PRC1: variants seen among roughly 807,000 people sequenced by gnomAD.
PRC1 encodes anaphase spindle elongation 1 homolog.
In PRC1, 54 loss-of-function variants were observed where a neutral mutation model predicts 91.2. The observed-to-expected ratio is 0.59, with a 90% CI of 0.48 to 0.74. PRC1 has a LOEUF of 0.74. Ranked by LOEUF, PRC1 falls within the 30% of genes least tolerant of loss-of-function variation. The probability of loss-of-function intolerance (pLI) is 0.00; values close to 1 mark genes in which losing one functional copy is unlikely to be tolerated. For synonymous variants in PRC1, 275 were observed against 263.6 expected, an observed-to-expected ratio of 1.04 and a Z score of -0.42; for missense variants, 727 against 746.2, an observed-to-expected ratio of 0.97 and a Z score of 0.30.
intron 1 of PRC1, among the ~76,000 whole-genome samples, chr15:90,988,800 A>G (rs1324436281): frequency 6.6e-6 from 1 of 152,124 alleles, no homozygotes; most frequent in Non-Finnish European, 1.5e-5. Context: ...CCTAACTCAC[A>G]GTAGTTGTTC....
At chr15:90,981,087 G>C (rs1283410134) in intron 5 of PRC1, 54 bp from the exon 6 acceptor site, 3 of 1,599,196 alleles carry the variant, frequency 1.9e-6, no homozygotes, top group Admixed American at 1.7e-5. Context: ...ACAGAGGCTA[G>C]CCCTCTAGCC....
chr15:90,984,225 TTTTC>T lies in PRC1; in HGVS notation c.145-89_145-86del. The T allele has an allele frequency of 6.6e-7, 1 of 1,506,740 alleles. No individual in the cohort carries two copies. Among genetic ancestry groups the T allele is most frequent in the Non-Finnish European group, 9.0e-7 (1 of 1,115,178 alleles). 93.3% of individuals were successfully genotyped at this position (1,506,740 alleles called of 1,614,324 possible). On this transcript the variant is annotated intron_variant, in intron 2 of 14. Coordinates refer to ENST00000394249, the MANE Select transcript of PRC1 (RefSeq NM_003981.4). This position sits in a 1 kb window ranked among gnomAD's most constrained non-coding sequence, Gnocchi z 5.1. Reference sequence around the variant, plus strand: ...CAATACCAAACTCCTCAAATTTCTTTTTTCTTTTTCTTTTTTTCTTTGAGATGGA... The same window carrying T: ...CAATACCAAACTCCTCAAATTTCTTTTTTTTCTTTTTTTCTTTGAGATGGA...
In PRC1 at chr15:90,966,617, G is replaced by GACAC; in HGVS notation, c.*510_*513dup. 1 of 456,156 alleles carries GACAC rather than the reference G, an allele frequency of 2.2e-6. No individual in the cohort carries two copies. The highest frequency in any genetic ancestry group is 4.4e-6 in the Non-Finnish European group (1 of 226,872). 28.3% of individuals were successfully genotyped at this position (456,156 alleles called of 1,614,324 possible). A position where few individuals can be genotyped will look rare whatever the true frequency, so the allele number is the denominator to read the frequency against. On this transcript the variant is annotated 3_prime_UTR_variant, in exon 15 of 15. Coordinates refer to ENST00000394249, the MANE Select transcript of PRC1 (RefSeq NM_003981.4). ...AGTAGGGCAGGCCATCTCAACTTCGGACACACAAAGACATTCTCTTCAGGA... is the reference window on the plus strand; with the variant it reads ...AGTAGGGCAGGCCATCTCAACTTCGGACACACACACAAAGACATTCTCTTCAGGA...
At chr15:90,979,351 T>A in intron 7 of PRC1, 57 bp from the exon 8 acceptor site, 1 of 1,544,372 alleles carries the variant, frequency 6.5e-7, no homozygotes, top group African/African-American at 1.4e-5. Context: ...AGTATCCAAT[T>A]TTACGAATCC....
At chr15:90,988,123 TCAACTAAAGTC>T (rs1165012491) in intron 1 of PRC1, 1 of 152,132 alleles carries the variant, frequency 6.6e-6, no homozygotes, top group Non-Finnish European at 1.5e-5. Context: ...TAACATAATC[TCAACTAAAGTC>T]CAACTAAAGA....
At position 90,966,447 on chromosome 15, in the gene PRC1, G is replaced by C. The variant is rs1304585242; in HGVS notation, c.*684C>G. 2.6e-6 allele frequency: 1 copy of C among 383,756 alleles called. No individual in the cohort carries two copies. Among genetic ancestry groups the C allele is most frequent in the Admixed American group, 2.7e-5 (1 of 36,404 alleles). The allele number at this position is 383,756 out of a possible 1,614,324, so 23.8% of individuals were successfully genotyped here. A position where few individuals can be genotyped will look rare whatever the true frequency, so the allele number is the denominator to read the frequency against. On this transcript the variant is annotated 3_prime_UTR_variant, in exon 15 of 15. Coordinates refer to ENST00000394249, the MANE Select transcript of PRC1 (RefSeq NM_003981.4). Reference sequence around the variant, plus strand: ...GTAGGCACAGGAATGGGGGAGATGAGAGCCAAGGGACAAACGCCGAGAAAG... The same window carrying C: ...GTAGGCACAGGAATGGGGGAGATGACAGCCAAGGGACAAACGCCGAGAAAG...
At chr15:90,989,581 T>C (rs558074428) in intron 1 of PRC1, among the ~76,000 whole-genome samples, 1 of 151,974 alleles carries the variant, frequency 6.6e-6, no homozygotes, top group East Asian at 1.9e-4. Flanking sequence ...CTCAGCAATT[T>C]TATTACTGGG....
chr15:90,977,982 A>G (rs1203824396), intron 8 of PRC1, among the ~76,000 whole-genome samples: 4 of 152,206 alleles, frequency 2.6e-5, no homozygotes, highest in Admixed American at 2.0e-4. Flanking sequence ...AAGATATCCC[A>G]TAGTTCTCTC....
At chr15:90,968,698 A>G in intron 14 of PRC1, 1 of 1,056,106 alleles carries the variant, frequency 9.5e-7, no homozygotes, top group Non-Finnish European at 1.1e-6. Flanking sequence ...GGAAATAATC[A>G]GCACACAGGC....
rs762766233 is a variant in PRC1 at position 90,969,500 on chromosome 15, G to T, written c.1696C>A (p.Leu566Ile). 6 of 1,612,356 alleles carry T rather than the reference G, an allele frequency of 3.7e-6. No individual in the cohort carries two copies. The highest frequency in any genetic ancestry group is 5.1e-6 in the Non-Finnish European group (6 of 1,179,068). The stretch of plus-strand genomic sequence containing the variant: ...GAATTAATGCTGAAGTTGCGCTGGA[G>T]GGGGGCCGAGCCAGGGTACCCACCA... ...LSGGYPGSAP[L>I]QRNFSINSVA... Residue 566 changes from leucine to isoleucine, a missense_variant, in exon 13 of 15, where the codon CTC (leucine) becomes ATC (isoleucine). Physicochemically the swap from Leu to Ile is conservative, Grantham distance 5. Transcript: ENST00000394249.
At chr15:90,977,844 C>T (rs1184295435) in intron 8 of PRC1, among the ~76,000 whole-genome samples, 1 of 152,128 alleles carries the variant, frequency 6.6e-6, no homozygotes, top group Non-Finnish European at 1.5e-5. Context: ...CCTCGGCCTT[C>T]CAAAGTGCTG....
chr15:90,967,449 C>T, intron 14 of PRC1: 1 of 531,854 alleles, frequency 1.9e-6, no homozygotes, highest in Non-Finnish European at 3.4e-6. Context: ...TTCTGTTACA[C>T]CTCACAGAAG....
In PRC1 at chr15:90,974,378, G is replaced by A. The variant is rs752810783; in HGVS notation, c.1351-132C>T. 12 of 1,069,280 alleles carry A rather than the reference G, an allele frequency of 1.1e-5. No individual in the cohort carries two copies. Among genetic ancestry groups the A allele is most frequent in the Admixed American group, 9.3e-5 (4 of 43,126 alleles). The allele number at this position is 1,069,280 out of a possible 1,614,324, so 66.2% of individuals were successfully genotyped here. A position where few individuals can be genotyped will look rare whatever the true frequency, so the allele number is the denominator to read the frequency against. On this transcript the variant is annotated intron_variant, in intron 10 of 14. Coordinates refer to ENST00000394249, the MANE Select transcript of PRC1 (RefSeq NM_003981.4). The surrounding 1 kb of genome is among the most constrained non-coding windows in gnomAD (Gnocchi z 4.6). Reference sequence around the variant, plus strand: ...GCTAAAGAGCTGCCGCGGGCTCCCCGTTCCACAAGCCCCGGTCCCCGGCTC... The same window carrying A: ...GCTAAAGAGCTGCCGCGGGCTCCCCATTCCACAAGCCCCGGTCCCCGGCTC...
chr15:90,967,288 A>G lies in PRC1; in HGVS notation c.1792-86T>C, dbSNP rs1169082071. 10 of 1,148,106 alleles carry G rather than the reference A, an allele frequency of 8.7e-6. No individual in the cohort carries two copies. In the African/African-American group the frequency reaches 1.4e-4, roughly 16 times the overall value. The allele number at this position is 1,148,106 out of a possible 1,614,324, so 71.1% of individuals were successfully genotyped here. A position where few individuals can be genotyped will look rare whatever the true frequency, so the allele number is the denominator to read the frequency against. On this transcript the variant is annotated intron_variant, in intron 14 of 14. Coordinates refer to ENST00000394249, the MANE Select transcript of PRC1 (RefSeq NM_003981.4). ...CTAAGTTTGGTTAAGTGTCAGCAAA[A>G]GGTCCCTTGAAGGTAGTTTCTCTGA...
In PRC1 at chr15:90,981,545, CAA is replaced by C; in HGVS notation, c.624_625del (p.Phe208LeufsTer25). On this transcript the variant is annotated frameshift_variant, in exon 5 of 15. Coordinates refer to ENST00000394249, the MANE Select transcript of PRC1 (RefSeq NM_003981.4). LOFTEE classifies it high-confidence loss of function. ...TGTTGCAATATTCTCCAAAGACAAACAAAAGGCATCTTCGTCTTCACACACCA... is the reference window on the plus strand; with the variant it reads ...TGTTGCAATATTCTCCAAAGACAAACAAGGCATCTTCGTCTTCACACACCA... 1 of 1,614,040 alleles carries C rather than the reference CAA, an allele frequency of 6.2e-7. No individual in the cohort carries two copies. Among genetic ancestry groups the C allele is most frequent in the Non-Finnish European group, 8.5e-7 (1 of 1,180,032 alleles).
At chr15:90,985,593 C>T (rs34881088) in intron 1 of PRC1, among the ~76,000 whole-genome samples, 7,755 of 150,046 alleles carry the variant, frequency 0.052, 291 homozygotes, top group South Asian at 0.15. Context: ...GAGTCTCGCT[C>T]CGTTGCCCTG....
chr15:90,979,628 G>T (rs2039022536), intron 7 of PRC1, among the ~76,000 whole-genome samples: 1 of 152,166 alleles, frequency 6.6e-6, no homozygotes, highest in Non-Finnish European at 1.5e-5. Flanking sequence ...CAGAAAATGT[G>T]CAAAAACATC....
intron 14 of PRC1, chr15:90,967,798 A>C (rs1205861893): frequency 1.0e-6 from 1 of 969,670 alleles, no homozygotes; most frequent in Non-Finnish European, 1.2e-6. Context: ...ATTGCCCCAC[A>C]TTCTCAGAAC....
At chr15:90,994,327 C>T (rs572015542) in intron 1 of PRC1, 80 bp downstream of exon 1, 169 of 1,604,868 alleles carry the variant, frequency 1.1e-4, no homozygotes, top group Admixed American at 2.2e-4. Context: ...CCGCACGGGT[C>T]CCGCACCCCT....
Sources: allele counts gnomAD v4.1 joint callset (sites outside exome capture counted in the v4.1 genomes callset), GRCh38; gene constraint gnomAD v4.1.1; non-coding constraint Gnocchi (gnomAD v3.1); transcripts MANE v1.5; gene names NCBI Gene and HGNC (gene_info 2026-07-23, HGNC 2026-07-21).